The following SPAG9 variants were observed in gnomAD, a reference collection of about 807,000 sequenced individuals.
SPAG9 encodes the protein C-Jun-amino-terminal kinase-interacting protein 4.
A neutral mutation model predicts 166.5 loss-of-function variants in SPAG9; 35 were observed. The ratio of observed to expected loss-of-function variants is 0.21; its 90% CI spans 0.16 to 0.28. SPAG9 has a LOEUF of 0.28. SPAG9 is among the 10% of genes least tolerant of loss of function. SPAG9 has a pLI of 1.00. For missense variants in SPAG9, 1,235 were observed against 1,603.3 expected (o/e 0.77, Z 3.92); for synonymous variants, 534 against 565.5 (o/e 0.94, Z 0.79).
rs571495692 is a variant in SPAG9, at chr17:51,014,131, T to C, written c.1213+101A>G. 18 of 1,003,768 alleles carry C rather than the reference T, an allele frequency of 1.8e-5. 1 individual carries two copies. The South Asian group carries it at 3.4e-4, about 19-fold the overall frequency. The allele number at this position is 1,003,768 out of a possible 1,614,324, so 62.2% of individuals were successfully genotyped here. ...TACCTAAAAGGGCAATAACCCTGTA[T>C]CACTGAGCAGTTGGGGACATTTTAA... On this transcript the variant is annotated intron_variant, in intron 9 of 29. Coordinates refer to ENST00000262013, the MANE Select transcript of SPAG9 (RefSeq NM_001130528.3).
intron 21 of SPAG9, among the ~76,000 whole-genome samples, chr17:50,987,504 G>A (rs753789178): frequency 4.7e-5 from 7 of 150,460 alleles, no homozygotes; most frequent in African/African-American, 9.8e-5. Flanking sequence ...ATCACACCTG[G>A]CTTCAACTTT....
intron 9 of SPAG9, among the ~76,000 whole-genome samples, chr17:51,011,886 TA>T (rs1367689151): frequency 2.0e-5 from 3 of 152,200 alleles, no homozygotes; most frequent in Non-Finnish European, 2.9e-5. Context: ...TTAATTGATT[TA>T]AAAGACAACA....
In SPAG9 at chr17:50,965,116, T is replaced by G. The variant is rs1338664409; in HGVS notation, c.*1156A>C. 6.6e-6 allele frequency: 1 copy of G among 152,598 alleles called. No individual in the cohort carries two copies. The highest frequency in any genetic ancestry group is 1.5e-5 in the Non-Finnish European group (1 of 68,252). The allele number at this position is 152,598 out of a possible 1,614,324, so 9.5% of individuals were successfully genotyped here. ...GAAAATATGTAATGTCAACCTTTAC[T>G]TTATGGTATCTTAGGTTTGTCTTCT... On this transcript the variant is annotated 3_prime_UTR_variant, in exon 30 of 30. Coordinates refer to ENST00000262013, the MANE Select transcript of SPAG9 (RefSeq NM_001130528.3).
chr17:51,012,951 G>A lies in SPAG9; in HGVS notation c.1213+1281C>T, dbSNP rs113529174. 1.1e-4 allele frequency among the ~76,000 whole-genome samples: 17 copies of A among 151,900 alleles called. 1 individual carries two copies. The highest frequency in any genetic ancestry group is 9.2e-4 in the Admixed American group (14 of 15,244). On this transcript the variant is annotated intron_variant, in intron 9 of 29. Coordinates refer to ENST00000262013, the MANE Select transcript of SPAG9 (RefSeq NM_001130528.3). Reference sequence around the variant, plus strand: ...TCGCCATGTTGCCCAGGCTGGTCTCGAACTCCTGAGCTCAAGCGATCCACT... The same window carrying A: ...TCGCCATGTTGCCCAGGCTGGTCTCAAACTCCTGAGCTCAAGCGATCCACT...
At chr17:51,007,435 C>T in intron 9 of SPAG9, 109 bp from the exon 10 acceptor site, 1 of 493,568 alleles carries the variant, frequency 2.0e-6, no homozygotes. Context: ...TTTATCTGTC[C>T]TTTATTAATT....
intron 19 of SPAG9, among the ~76,000 whole-genome samples, chr17:50,991,376 TTAAGA>T (rs990928033): frequency 6.6e-6 from 1 of 152,046 alleles, no homozygotes; most frequent in African/African-American, 2.4e-5. Flanking sequence ...TATAGGTTGA[TTAAGA>T]TATTAGTAAA....
chr17:51,045,353 G>A (rs139733906), intron 4 of SPAG9, among the ~76,000 whole-genome samples: 78 of 152,104 alleles, frequency 5.1e-4, no homozygotes, highest in African/African-American at 1.7e-3. Context: ...ACAGATACAC[G>A]TACACAAATA....
intron 3 of SPAG9, among the ~76,000 whole-genome samples, chr17:51,054,162 G>C (rs113008816): frequency 0.069 from 9,452 of 136,976 alleles, 359 homozygotes; most frequent in Non-Finnish European, 0.089. Context: ...TGTTGCCCAG[G>C]CTGGAGTGTA....
intron 2 of SPAG9, among the ~76,000 whole-genome samples, chr17:51,064,528 G>C (rs1375541434): frequency 6.6e-6 from 1 of 152,128 alleles, no homozygotes; most frequent in Non-Finnish European, 1.5e-5. Context: ...TGAAAAGGAA[G>C]GAAGTACTGA....
chr17:51,090,133 C>A (rs1014320050), intron 1 of SPAG9, among the ~76,000 whole-genome samples: 2 of 152,036 alleles, frequency 1.3e-5, no homozygotes, highest in African/African-American at 4.8e-5. Context: ...AACTACAATT[C>A]ACCATTAAAT....
chr17:51,083,630 C>A (rs997332221), intron 1 of SPAG9, among the ~76,000 whole-genome samples: 6 of 151,728 alleles, frequency 4.0e-5, no homozygotes, highest in Admixed American at 3.3e-4. Flanking sequence ...AACTGCTGAA[C>A]TGCTGGCCTC....
At chr17:51,037,682 TATAG>T (rs1402827616) in intron 5 of SPAG9, among the ~76,000 whole-genome samples, 5 of 96,328 alleles carry the variant, frequency 5.2e-5, no homozygotes, top group Non-Finnish European at 7.4e-5. Flanking sequence ...TATATATATA[TATAG>T]TGTGTGTGTG....
intron 1 of SPAG9, among the ~76,000 whole-genome samples, chr17:51,093,250 G>C (rs992007235): frequency 3.3e-5 from 5 of 151,890 alleles, no homozygotes; most frequent in Admixed American, 2.0e-4. Context: ...TGGAATAAAA[G>C]TATCAGTGGT....
chr17:50,985,112 C>A, intron 23 of SPAG9, 122 bp from the exon 24 acceptor site: 1 of 748,044 alleles, frequency 1.3e-6, no homozygotes, highest in Admixed American at 2.3e-5. Flanking sequence ...GAGCTGACAC[C>A]TGAATATAAA....
intron 2 of SPAG9, among the ~76,000 whole-genome samples, chr17:51,075,553 A>C (rs1371459202): frequency 6.6e-6 from 1 of 152,206 alleles, no homozygotes; most frequent in African/African-American, 2.4e-5. Flanking sequence ...GGTCGAGCGC[A>C]GTGGCTTACA....
rs746370783 is a variant in SPAG9 at position 51,089,620 on chromosome 17, TTATATATATATATATATATATATATA to T, written c.304-9942_304-9917del. Among the ~76,000 whole-genome samples, 14 of 40,478 alleles carry T rather than the reference TTATATATATATATATATATATATATA, an allele frequency of 3.5e-4. 2 individuals are homozygous for T. The East Asian group carries it at 8.5e-3, about 25-fold the overall frequency. 26.6% of individuals were successfully genotyped at this position (40,478 alleles called of 152,430 possible). ...TATATGTATATATATACACTTTATT[TTATATATATATATATATATATATATA>T]TATATATATATATATATACACATAC... On this transcript the variant is annotated intron_variant, in intron 1 of 29. Transcript: ENST00000262013.
At position 51,071,606 on chromosome 17, in the gene SPAG9, A is replaced by AT. The variant is rs199516858; in HGVS notation, c.424+7977dup. 7.1e-3 allele frequency among the ~76,000 whole-genome samples: 1,088 copies of AT among 152,362 alleles called. 3 individuals carry two copies. The highest frequency in any genetic ancestry group is 0.017 in the South Asian group (83 of 4,828). On this transcript the variant is annotated intron_variant, in intron 2 of 29. Coordinates refer to ENST00000262013, the MANE Select transcript of SPAG9 (RefSeq NM_001130528.3). ...ATGACCAAAAATTGTTAAAAAACAT[A>AT]TTATAGACTCAACTTTTCAACATTG...
At position 50,989,756 on chromosome 17, in the gene SPAG9, C is replaced by T; in HGVS notation, c.2734G>A (p.Gly912Ser). Residue 912 changes from glycine (G) to serine (S), a missense_variant, in exon 21 of 30, where the codon GGC (glycine) becomes AGC (serine). By Grantham distance (56) the Gly-to-Ser change is moderately conservative (BLOSUM62 0). Coordinates refer to ENST00000262013, the MANE Select transcript of SPAG9 (RefSeq NM_001130528.3). Reference sequence around the variant, plus strand: ...GTAAAGACATGCTCTGTGTAGACGCCAGTTTGGGAGATGTCCACTGTGTCT... The same window carrying T: ...GTAAAGACATGCTCTGTGTAGACGCTAGTTTGGGAGATGTCCACTGTGTCT... ...AEDTVDISQT[G>S]VYTEHVFTDP... The T allele has an allele frequency of 6.2e-7, 1 of 1,614,172 alleles. No homozygotes were observed. Among genetic ancestry groups the T allele is most frequent in the South Asian group, 1.1e-5 (1 of 91,086 alleles).
chr17:50,987,865 A>AT (rs1344568788), intron 21 of SPAG9, among the ~76,000 whole-genome samples: 1 of 152,256 alleles, frequency 6.6e-6, no homozygotes, highest in East Asian at 1.9e-4. Flanking sequence ...TTGTCAGGGC[A>AT]TATTTAGTAA....
Sources: gnomAD v4.1 joint callset for allele counts (sites outside exome capture counted in the v4.1 genomes callset) on GRCh38, gnomAD v4.1.1 for gene constraint, MANE v1.5 for transcripts, NCBI Gene and HGNC (gene_info 2026-07-23, HGNC 2026-07-21) for gene names.